FGF7: variants seen among roughly 807,000 people sequenced by gnomAD.
The protein encoded by FGF7 is fibroblast growth factor 7, also known as FGF-7.
In FGF7, 6 loss-of-function variants were observed where a neutral mutation model predicts 20.5. The observed-to-expected ratio is 0.29, with a 90% CI of 0.16 to 0.58. FGF7 has a LOEUF of 0.58. FGF7 is among the 20% of genes least tolerant of loss of function. The pLI is 0.90. For synonymous variants in FGF7, 64 were observed against 74.7 expected (o/e 0.86, Z 0.74); for missense variants, 144 against 228.8 (o/e 0.63, Z 2.39).
rs2054995074 is a variant in FGF7 at position 49,473,715 on chromosome 15, AGT to A, written c.287-9434_287-9433del. Among the ~76,000 whole-genome samples, 3 of 152,296 alleles carry A rather than the reference AGT, an allele frequency of 2.0e-5. No individual in the cohort carries two copies. The South Asian group carries it at 6.2e-4, about 32-fold the overall frequency. ...GGAAACCAAAGAAATTGTAAAAATAAGTGAGCTAATTTTTTTAAAGCATAGAA... is the reference window on the plus strand; with the variant it reads ...GGAAACCAAAGAAATTGTAAAAATAAGAGCTAATTTTTTTAAAGCATAGAA... On this transcript the variant is annotated intron_variant, in intron 2 of 3. Coordinates refer to ENST00000267843, the MANE Select transcript of FGF7 (RefSeq NM_002009.4).
At chr15:49,434,877 C>A (rs1251550164) in intron 2 of FGF7, among the ~76,000 whole-genome samples, 1 of 150,988 alleles carries the variant, frequency 6.6e-6, no homozygotes, top group African/African-American at 2.4e-5. Context: ...AAAAGAGAAC[C>A]AATTTCTCAA....
chr15:49,424,461 G>A lies in FGF7; in HGVS notation c.164G>A (p.Ser55Asn), dbSNP rs1567249491. Residue 55 changes from serine to asparagine, a missense_variant, in exon 2 of 4, where the codon AGT becomes AAT. Ser to Asn is a conservative substitution (Grantham distance 46). This residue lies in a region of FGF7 where 88 missense variants were observed against 103.4 expected (regional missense o/e 0.85). Transcript: ENST00000267843. The stretch of plus-strand genomic sequence containing the variant: ...TCCAGCCCTGAGCGACACACAAGAA[G>A]TTATGATTACATGGAAGGAGGGGAT... The part of the protein sequence containing the change: ...NCSSPERHTR[S>N]YDYMEGGDIR... 6.2e-7 allele frequency: 1 copy of A among 1,613,538 alleles called. No homozygotes were observed. Among genetic ancestry groups the A allele is most frequent in the South Asian group, 1.1e-5 (1 of 91,066 alleles).
intron 2 of FGF7, among the ~76,000 whole-genome samples, chr15:49,450,678 T>C (rs1356158769): frequency 6.6e-6 from 1 of 152,162 alleles, no homozygotes; most frequent in Non-Finnish European, 1.5e-5. Context: ...AACTTCCTTA[T>C]GCCTCTTGAT....
intron 2 of FGF7, among the ~76,000 whole-genome samples, chr15:49,469,199 A>G (rs1391752894): frequency 6.6e-6 from 1 of 152,210 alleles, no homozygotes; most frequent in Non-Finnish European, 1.5e-5. Flanking sequence ...ACATTTGTCT[A>G]TAACAGTTGA....
At chr15:49,479,440 T>C (rs1044876346) in intron 2 of FGF7, among the ~76,000 whole-genome samples, 8 of 152,138 alleles carry the variant, frequency 5.3e-5, no homozygotes, top group Non-Finnish European at 7.4e-5. Context: ...ATTTGTTTTA[T>C]GTGAGGCAAC....
chr15:49,470,068 C>T (rs1035710670), intron 2 of FGF7, among the ~76,000 whole-genome samples: 2 of 152,010 alleles, frequency 1.3e-5, no homozygotes, highest in African/African-American at 4.8e-5. Context: ...CTGCATACAA[C>T]CATAATCAAA....
intron 2 of FGF7, among the ~76,000 whole-genome samples, chr15:49,444,457 A>AT (rs2051987653): frequency 6.6e-6 from 1 of 151,788 alleles, no homozygotes. Flanking sequence ...CTTTTTTAGG[A>AT]TAAAAAGTAA....
At position 49,424,347 on chromosome 15, in the gene FGF7, C is replaced by T; in HGVS notation, c.50C>T (p.Ser17Leu). The change falls in exon 2 of 4, where the codon TCA becomes TTA. Residue 17 changes from serine to leucine, a missense_variant. By Grantham distance (145) the Ser-to-Leu change is moderately radical. Transcript: ENST00000267843. ...TWILPTLLYR[S>L]CFHIICLVGT... is the part of the protein sequence containing the mutation. ...ATCCTGCCAACTTTGCTCTACAGAT[C>T]ATGCTTTCACATTATCTGTCTAGTG... 6.2e-7 allele frequency: 1 copy of T among 1,613,454 alleles called. No individual in the cohort carries two copies. Among genetic ancestry groups the T allele is most frequent in the East Asian group, 2.2e-5 (1 of 44,854 alleles).
At chr15:49,470,181 A>C (rs1191544895) in intron 2 of FGF7, among the ~76,000 whole-genome samples, 6 of 152,178 alleles carry the variant, frequency 3.9e-5, no homozygotes, top group African/African-American at 1.4e-4. Context: ...TTGTAAATTA[A>C]AGAGGAAGAC....
At chr15:49,440,760 G>A (rs1451963123) in intron 2 of FGF7, among the ~76,000 whole-genome samples, 2 of 151,646 alleles carry the variant, frequency 1.3e-5, no homozygotes, top group Admixed American at 1.3e-4. Context: ...AAACAACAGA[G>A]TCAGGACCTG....
At chr15:49,473,589 G>A (rs2054982564) in intron 2 of FGF7, among the ~76,000 whole-genome samples, 1 of 152,012 alleles carries the variant, frequency 6.6e-6, no homozygotes, top group South Asian at 2.1e-4. Context: ...TTGGTCTCAC[G>A]TTTTGGAGGG....
chr15:49,455,930 C>T (rs2053242850), intron 2 of FGF7, among the ~76,000 whole-genome samples: 1 of 151,964 alleles, frequency 6.6e-6, no homozygotes, highest in East Asian at 1.9e-4. Flanking sequence ...TTGGAAATTA[C>T]TACAGAATGG....
rs1567285101 is a variant in FGF7 at position 49,443,394 on chromosome 15, GT to G, written c.286+18812del. ...AACTCTGTTCAGTGATGTTTTGTTG[GT>G]GGCTTGGACCCAACTATGATAAGAG... On this transcript the variant is annotated intron_variant, in intron 2 of 3. Coordinates refer to ENST00000267843, the MANE Select transcript of FGF7 (RefSeq NM_002009.4). Among the ~76,000 whole-genome samples the G allele has an allele frequency of 2.1e-4, 32 of 150,942 alleles. No homozygotes were observed. The East Asian group carries it at 4.1e-3, about 19-fold the overall frequency.
intron 2 of FGF7, among the ~76,000 whole-genome samples, chr15:49,470,778 G>A (rs2054668738): frequency 1.3e-5 from 2 of 152,152 alleles, no homozygotes; most frequent in Non-Finnish European, 2.9e-5. Flanking sequence ...TTGACATTAA[G>A]GTGGTACATT....
At chr15:49,454,984 T>C (rs2053143117) in intron 2 of FGF7, among the ~76,000 whole-genome samples, 1 of 152,096 alleles carries the variant, frequency 6.6e-6, no homozygotes, top group Non-Finnish European at 1.5e-5. Context: ...GGGATTTTAG[T>C]GAGGTGGGAT....
intron 2 of FGF7, among the ~76,000 whole-genome samples, chr15:49,479,179 A>G (rs1358689500): frequency 6.6e-6 from 1 of 152,210 alleles, no homozygotes; most frequent in Non-Finnish European, 1.5e-5. Flanking sequence ...TATTGCTGAC[A>G]AGGCTAAATG....
intron 2 of FGF7, among the ~76,000 whole-genome samples, chr15:49,428,435 C>T (rs1024973544): frequency 4.6e-5 from 7 of 151,946 alleles, no homozygotes; most frequent in East Asian, 1.9e-4. Flanking sequence ...AATGAATGGT[C>T]GATACTTCCA....
intron 2 of FGF7, among the ~76,000 whole-genome samples, chr15:49,470,041 C>T (rs1310782162): frequency 6.6e-6 from 1 of 152,084 alleles, no homozygotes; most frequent in African/African-American, 2.4e-5. Context: ...TCTTAATTCT[C>T]TGGTAAAATT....
At chr15:49,470,596 T>C (rs1362842681) in intron 2 of FGF7, among the ~76,000 whole-genome samples, 1 of 152,206 alleles carries the variant, frequency 6.6e-6, no homozygotes, top group Non-Finnish European at 1.5e-5. Context: ...GACCTGTGTT[T>C]GAAATGATAT....
Sources: allele counts gnomAD v4.1 joint callset (sites outside exome capture counted in the v4.1 genomes callset), GRCh38; gene constraint gnomAD v4.1.1; regional missense constraint gnomAD v4.1.1; transcripts MANE v1.5; gene names NCBI Gene and HGNC (gene_info 2026-07-23, HGNC 2026-07-21).